The following KAZN variants were observed in gnomAD, a reference collection of about 807,000 sequenced individuals.
The protein encoded by KAZN is kazrin.
Under a neutral mutation model 87.4 loss-of-function variants are expected in KAZN, and 40 were observed. The observed-to-expected ratio is 0.46, with a 90% CI of 0.36 to 0.60. The LOEUF is 0.60. KAZN is among the 20% of genes least tolerant of loss of function. KAZN has a pLI of 0.00. For synonymous variants in KAZN, 466 were observed against 458.3 expected (o/e 1.02, Z -0.22); for missense variants, 898 against 1,073.9 (o/e 0.84, Z 2.29).
intron 1 of KAZN, chr1:14,692,402 G>A: frequency 3.5e-6 from 1 of 287,094 alleles, no homozygotes; most frequent in Non-Finnish European, 6.6e-6. Flanking sequence ...TGACCGACCT[G>A]CAAACCTCTG....
intron 2 of KAZN, among the ~76,000 whole-genome samples, chr1:14,993,206 G>A (rs1667525559): frequency 6.6e-6 from 1 of 150,538 alleles, no homozygotes; most frequent in African/African-American, 2.4e-5. Flanking sequence ...GGTGGCTCAC[G>A]CCTGTAATCC....
intron 2 of KAZN, among the ~76,000 whole-genome samples, chr1:14,325,742 G>A (rs1656364052): frequency 6.6e-6 from 1 of 152,154 alleles, no homozygotes; most frequent in Non-Finnish European, 1.5e-5. Flanking sequence ...GAGAATCCAA[G>A]AGAAATAACA....
intron 2 of KAZN, among the ~76,000 whole-genome samples, chr1:14,429,719 TACTC>T (rs1041575158): frequency 8.5e-5 from 13 of 152,308 alleles, no homozygotes; most frequent in South Asian, 2.1e-4. Context: ...TGTCATGTAA[TACTC>T]ACCCCAGTGA....
intron 1 of KAZN, among the ~76,000 whole-genome samples, chr1:14,054,231 T>C (rs548124450): frequency 1.1e-4 from 16 of 152,358 alleles, no homozygotes; most frequent in Non-Finnish European, 2.1e-4. Context: ...GTCAACTGTA[T>C]AATCCAGGCT....
chr1:14,552,363 G>A (rs1673586928), intron 2 of KAZN, among the ~76,000 whole-genome samples: 2 of 152,198 alleles, frequency 1.3e-5, no homozygotes, highest in Admixed American at 6.5e-5. Flanking sequence ...AGGGCTGGGA[G>A]CCGCCTGCAG....
intron 1 of KAZN, among the ~76,000 whole-genome samples, chr1:14,149,146 G>T (rs1434652529): frequency 3.3e-5 from 4 of 121,810 alleles, no homozygotes; most frequent in Non-Finnish European, 6.4e-5. Flanking sequence ...CTGTTGCCCA[G>T]GCTGGAGTGC....
rs968565116 is a variant in KAZN, at chr1:14,075,347, G to A, written c.92-105088G>A. Among the ~76,000 whole-genome samples the A allele has an allele frequency of 9.2e-5, 14 of 152,228 alleles. No individual in the cohort carries two copies. The East Asian group carries it at 1.2e-3, about 13-fold the overall frequency. On this transcript the variant is annotated intron_variant, in intron 1 of 16. Transcript: ENST00000636203. ...CACCCCTGGCAGAACTCACTCTTGC[G>A]CTAATGGTTGTTTCCCATGATTTAT...
intron 1 of KAZN, among the ~76,000 whole-genome samples, chr1:14,173,643 G>A (rs781382905): frequency 5.3e-5 from 8 of 150,690 alleles, no homozygotes; most frequent in Non-Finnish European, 1.2e-4. Context: ...CAGCTGGTGG[G>A]CTTTGTAGTT....
At chr1:14,075,478 G>A (rs1044613384) in intron 1 of KAZN, among the ~76,000 whole-genome samples, 10 of 152,216 alleles carry the variant, frequency 6.6e-5, no homozygotes, top group African/African-American at 1.7e-4. Flanking sequence ...TAAAACAGCA[G>A]AAGCACACTC....
At chr1:14,444,477 T>C (rs1666867374) in intron 2 of KAZN, among the ~76,000 whole-genome samples, 1 of 152,038 alleles carries the variant, frequency 6.6e-6, no homozygotes. Flanking sequence ...CTTGCCCGGC[T>C]AATTTTGTAT....
At chr1:14,240,262 C>T (rs990583105) in intron 2 of KAZN, among the ~76,000 whole-genome samples, 1 of 152,212 alleles carries the variant, frequency 6.6e-6, no homozygotes, top group Non-Finnish European at 1.5e-5. Context: ...CCTGGGAAGA[C>T]AGAGGGAACA....
chr1:14,732,785 G>A (rs1338714462), intron 1 of KAZN, among the ~76,000 whole-genome samples: 1 of 152,084 alleles, frequency 6.6e-6, no homozygotes, highest in Non-Finnish European at 1.5e-5. Flanking sequence ...AGTGGTTAGG[G>A]ATTTCTTTTG....
intron 1 of KAZN, among the ~76,000 whole-genome samples, chr1:13,928,327 G>A (rs1640364577): frequency 6.6e-6 from 1 of 152,188 alleles, no homozygotes; most frequent in African/African-American, 2.4e-5. Flanking sequence ...TGACATTGAT[G>A]ATGACAACTG....
intron 1 of KAZN, among the ~76,000 whole-genome samples, chr1:14,149,358 C>A (rs529596047): frequency 6.6e-6 from 1 of 151,976 alleles, no homozygotes; most frequent in Non-Finnish European, 1.5e-5. Flanking sequence ...CCACCTGCCT[C>A]GGCCTCCCAA....
At chr1:15,048,422 A>ATGTGTGTGTGTGTGTGTGTGTGTGTG (rs111596883) in intron 4 of KAZN, among the ~76,000 whole-genome samples, 107 of 150,934 alleles carry the variant, frequency 7.1e-4, no homozygotes, top group African/African-American at 2.5e-3. Flanking sequence ...ATGTGTGTGT[A>ATGTGTGTGTGTGTGTGTGTGTGTGTG]TGTGTGTGTG....
intron 1 of KAZN, among the ~76,000 whole-genome samples, chr1:14,909,651 G>C (rs560857143): frequency 6.6e-6 from 1 of 152,238 alleles, no homozygotes; most frequent in South Asian, 2.1e-4. Context: ...TCTTCAACTG[G>C]CCACCTCCAG....
rs1288722287 is a variant in KAZN at position 14,498,497 on chromosome 1, G to A, written c.250-100486G>A. On this transcript the variant is annotated intron_variant, in intron 2 of 16. Transcript: ENST00000636203. Reference sequence around the variant, plus strand: ...ACTTGGGGTCAGGGGTTTGAGACCAGCCTGGCCAACATGGTGAAACCCCAT... The same window carrying A: ...ACTTGGGGTCAGGGGTTTGAGACCAACCTGGCCAACATGGTGAAACCCCAT... Among the ~76,000 whole-genome samples, 3 of 152,266 alleles carry A rather than the reference G, an allele frequency of 2.0e-5. No homozygotes were observed. The East Asian group carries it at 5.8e-4, about 29-fold the overall frequency.
intron 1 of KAZN, among the ~76,000 whole-genome samples, chr1:14,102,458 T>G (rs551113929): frequency 6.6e-6 from 1 of 151,798 alleles, no homozygotes; most frequent in South Asian, 2.1e-4. Flanking sequence ...AGAAAGAACC[T>G]GGGGAAAAAT....
intron 2 of KAZN, among the ~76,000 whole-genome samples, chr1:14,552,272 G>T (rs770160465): frequency 1.2e-3 from 183 of 152,298 alleles, no homozygotes; most frequent in Admixed American, 1.8e-3. Context: ...ATCTTGAGCG[G>T]TTCATTTCTG....
Sources: gnomAD v4.1 joint callset for allele counts (sites outside exome capture counted in the v4.1 genomes callset) on GRCh38, gnomAD v4.1.1 for gene constraint, MANE v1.5 for transcripts, NCBI Gene and HGNC (gene_info 2026-07-23, HGNC 2026-07-21) for gene names.